PCDHGA8: variants seen among roughly 807,000 people sequenced by gnomAD.
PCDHGA8 encodes protocadherin gamma-A8.
PCDHGA8 carries 45 observed loss-of-function variants against 59.2 expected under a neutral mutation model. The ratio of observed to expected loss-of-function variants is 0.76; its 90% CI spans 0.60 to 0.98. The LOEUF (loss-of-function observed/expected upper bound fraction) is 0.98. Ranked by LOEUF, PCDHGA8 falls within the 50% of genes least tolerant of loss-of-function variation. PCDHGA8 has a pLI of 0.00. For missense variants in PCDHGA8, 1,257 were observed against 1,196.2 expected, an observed-to-expected ratio of 1.05 and a Z score of -0.75; for synonymous variants, 531 against 519.0, an observed-to-expected ratio of 1.02 and a Z score of -0.32.
intron 1 of PCDHGA8, chr5:141,415,179 G>A: frequency 6.2e-7 from 1 of 1,613,934 alleles, no homozygotes; most frequent in Non-Finnish European, 8.5e-7. Flanking sequence ...CCGTGGCCGT[G>A]GCCGACAGCA....
At chr5:141,457,393 T>G (rs1299068071) in intron 1 of PCDHGA8, among the ~76,000 whole-genome samples, 1 of 152,228 alleles carries the variant, frequency 6.6e-6, no homozygotes, top group African/African-American at 2.4e-5. Flanking sequence ...AGCATATTGA[T>G]TCACATTTTC....
intron 1 of PCDHGA8, among the ~76,000 whole-genome samples, chr5:141,437,926 T>C (rs1374182368): frequency 2.6e-5 from 4 of 152,058 alleles, no homozygotes; most frequent in Admixed American, 1.3e-4. Context: ...TTAGTAGAGA[T>C]GGGGTTTCAC....
In PCDHGA8 at chr5:141,421,903, G is replaced by T. The variant is rs757656265; in HGVS notation, c.2424+26666G>T. 2.5e-6 allele frequency: 4 copies of T among 1,613,704 alleles called. No homozygotes were observed. In the East Asian group the frequency reaches 6.7e-5, roughly 27 times the overall value. ...TGGAGGCGATCCCATCCGAAAGGGCGCAGTTCCCATTCGTGTGGTGGTCCT... is the reference window on the plus strand; with the variant it reads ...TGGAGGCGATCCCATCCGAAAGGGCTCAGTTCCCATTCGTGTGGTGGTCCT... On this transcript the variant is annotated intron_variant, in intron 1 of 3. Transcript: ENST00000398604.
At position 141,476,786 on chromosome 5, in the gene PCDHGA8, C is replaced by G. The variant is rs2099398607; in HGVS notation, c.2425-18021C>G. 3.1e-6 allele frequency: 5 copies of G among 1,613,444 alleles called. No individual in the cohort carries two copies. The highest frequency in any genetic ancestry group is 1.7e-5 in the Admixed American group (1 of 60,000). ...GGCGTTGGACGGAGGGACCCCAGCTCTCTCCGCCAGCCTGCCTATTCACAT... is the reference window on the plus strand; with the variant it reads ...GGCGTTGGACGGAGGGACCCCAGCTGTCTCCGCCAGCCTGCCTATTCACAT... On this transcript the variant is annotated intron_variant, in intron 1 of 3. Coordinates refer to ENST00000398604, the MANE Select transcript of PCDHGA8 (RefSeq NM_032088.2). The surrounding 1 kb of genome is among the most constrained non-coding windows in gnomAD (Gnocchi z 7.6).
At chr5:141,470,552 T>G (rs1303190360) in intron 1 of PCDHGA8, among the ~76,000 whole-genome samples, 1 of 151,966 alleles carries the variant, frequency 6.6e-6, no homozygotes, top group East Asian at 1.9e-4. Flanking sequence ...TTATTGAGAG[T>G]TTCCTCTGTG....
chr5:141,409,159 G>C, intron 1 of PCDHGA8: 1 of 1,614,014 alleles, frequency 6.2e-7, no homozygotes, highest in East Asian at 2.2e-5. Flanking sequence ...CCATGGAAGT[G>C]GAAGCGAAGG....
intron 1 of PCDHGA8, among the ~76,000 whole-genome samples, chr5:141,459,692 G>A (rs891511502): frequency 2.6e-5 from 4 of 152,134 alleles, no homozygotes; most frequent in African/African-American, 9.7e-5. Flanking sequence ...AAAGCGTTCC[G>A]CTTGCTACAT....
chr5:141,451,148 G>A (rs536843411), intron 1 of PCDHGA8, among the ~76,000 whole-genome samples: 2 of 152,154 alleles, frequency 1.3e-5, no homozygotes, highest in East Asian at 3.9e-4. Flanking sequence ...ATTTAGACTA[G>A]ACATTTTTTT....
intron 1 of PCDHGA8, chr5:141,423,477 C>T (rs376147466): frequency 1.5e-5 from 24 of 1,613,872 alleles, no homozygotes; most frequent in Non-Finnish European, 1.9e-5. Flanking sequence ...TACAGGCTTT[C>T]CTGCAAACCT....
chr5:141,413,806 A>C, intron 1 of PCDHGA8: 1 of 1,613,168 alleles, frequency 6.2e-7, no homozygotes. Flanking sequence ...GGAAGAGGCC[A>C]TTCACCACCT....
At chr5:141,425,248 G>GGCTGGGAAA (rs2096864506) in intron 1 of PCDHGA8, among the ~76,000 whole-genome samples, 1 of 152,178 alleles carries the variant, frequency 6.6e-6, no homozygotes, top group Non-Finnish European at 1.5e-5. Context: ...AAAAGGATAT[G>GGCTGGGAAA]AGGTATTTGG....
At chr5:141,437,459 C>T (rs749625924) in intron 1 of PCDHGA8, among the ~76,000 whole-genome samples, 1 of 152,140 alleles carries the variant, frequency 6.6e-6, no homozygotes, top group Admixed American at 6.5e-5. Context: ...GGAGACTATA[C>T]TATACTTTTA....
chr5:141,489,944 T>A lies in PCDHGA8; in HGVS notation c.2425-4863T>A. On this transcript the variant is annotated intron_variant, in intron 1 of 3. Coordinates refer to ENST00000398604, the MANE Select transcript of PCDHGA8 (RefSeq NM_032088.2). The surrounding 1 kb of genome is among the most constrained non-coding windows in gnomAD (Gnocchi z 4.5). ...CTTATCTCTGTCATCGTGCTGGACA[T>A]CAATGATAATGCTCCAACCTTCCAA... 1 of 1,614,172 alleles carries A rather than the reference T, an allele frequency of 6.2e-7. No individual in the cohort carries two copies. The highest frequency in any genetic ancestry group is 8.5e-7 in the Non-Finnish European group (1 of 1,180,010).
intron 1 of PCDHGA8, chr5:141,419,337 C>A (rs1283848400): frequency 6.2e-7 from 1 of 1,613,906 alleles, no homozygotes; most frequent in South Asian, 1.1e-5. Flanking sequence ...TCTCTCATTG[C>A]CAGCGACCTG....
At chr5:141,505,523 G>C in intron 3 of PCDHGA8, 42 bp downstream of exon 3, 2 of 1,612,760 alleles carry the variant, frequency 1.2e-6, no homozygotes, top group South Asian at 2.2e-5. Context: ...GGGAGACCTG[G>C]GGTTCTGGGG....
chr5:141,459,025 A>C (rs2098959135), intron 1 of PCDHGA8, among the ~76,000 whole-genome samples: 1 of 152,336 alleles, frequency 6.6e-6, no homozygotes, highest in Non-Finnish European at 1.5e-5. Flanking sequence ...GAGCCACCAC[A>C]TCCAGCCTTA....
chr5:141,421,255 C>T lies in PCDHGA8; in HGVS notation c.2424+26018C>T, dbSNP rs759899934. On this transcript the variant is annotated intron_variant, in intron 1 of 3. Coordinates refer to ENST00000398604, the MANE Select transcript of PCDHGA8 (RefSeq NM_032088.2). ...GGCGAATCGGCTACAGCGCGGGGAC[C>T]GCAGTCGGCTGCTGCTGCTGCTGTG... 5.2e-5 allele frequency: 84 copies of T among 1,607,644 alleles called. No individual in the cohort carries two copies. Among genetic ancestry groups the T allele is most frequent in the Non-Finnish European group, 6.8e-5 (80 of 1,177,916 alleles).
intron 2 of PCDHGA8, among the ~76,000 whole-genome samples, chr5:141,497,006 T>C (rs947830895): frequency 1.3e-5 from 2 of 151,678 alleles, no homozygotes; most frequent in South Asian, 2.1e-4. Context: ...GCAGCCAACA[T>C]GGTGAAACCC....
chr5:141,492,146 C>T (rs979485619), intron 1 of PCDHGA8, among the ~76,000 whole-genome samples: 3 of 152,242 alleles, frequency 2.0e-5, no homozygotes, highest in African/African-American at 4.8e-5. Flanking sequence ...TGTGACTTCA[C>T]TGTTACCCTC....
Sources: gnomAD v4.1 joint callset for allele counts (sites outside exome capture counted in the v4.1 genomes callset) on GRCh38, gnomAD v4.1.1 for gene constraint, Gnocchi (gnomAD v3.1) non-coding constraint, MANE v1.5 for transcripts, NCBI Gene and HGNC (gene_info 2026-07-23, HGNC 2026-07-21) for gene names.